The following CHD6 variants were observed in gnomAD, a reference collection of about 807,000 sequenced individuals.
The protein encoded by CHD6 is chromodomain helicase DNA binding protein 6.
Under a neutral mutation model 276.9 loss-of-function variants are expected in CHD6, and 50 were observed. The observed-to-expected ratio is 0.18, with a 90% confidence interval of 0.14 to 0.23. CHD6 has a LOEUF of 0.23. Ranked by LOEUF, CHD6 falls within the 10% of genes least tolerant of loss-of-function variation. The pLI is 1.00. For missense variants in CHD6, 2,564 were observed against 3,365.8 expected, an observed-to-expected ratio of 0.76 and a Z score of 5.89; for synonymous variants, 1,173 against 1,229.3, an observed-to-expected ratio of 0.95 and a Z score of 0.96.
intron 3 of CHD6, among the ~76,000 whole-genome samples, chr20:41,520,095 G>C (rs2044351800): frequency 6.6e-6 from 1 of 152,336 alleles, no homozygotes; most frequent in Admixed American, 6.5e-5. Context: ...GGCCATGAGA[G>C]AAACGCAAAT....
intron 2 of CHD6, among the ~76,000 whole-genome samples, chr20:41,543,814 C>A (rs563862740): frequency 6.6e-6 from 1 of 152,312 alleles, no homozygotes; most frequent in South Asian, 2.1e-4. Context: ...CTAAATATTA[C>A]GTAGTTCCTG....
chr20:41,613,787 A>G (rs1037162137), intron 1 of CHD6, among the ~76,000 whole-genome samples: 1 of 152,230 alleles, frequency 6.6e-6, no homozygotes, highest in Non-Finnish European at 1.5e-5. Flanking sequence ...TTTGAGAATC[A>G]TAAAAAACAA....
intron 1 of CHD6, among the ~76,000 whole-genome samples, chr20:41,610,295 C>T (rs926632647): frequency 3.3e-5 from 5 of 152,032 alleles, no homozygotes; most frequent in Non-Finnish European, 7.3e-5. Flanking sequence ...TCCCCATTTA[C>T]AAGTAGATGG....
At chr20:41,408,281 C>T (rs1455473733) in intron 36 of CHD6, among the ~76,000 whole-genome samples, 1 of 152,038 alleles carries the variant, frequency 6.6e-6, no homozygotes, top group Non-Finnish European at 1.5e-5. Context: ...GAACACAGGC[C>T]CTGTGGTTCC....
intron 36 of CHD6, among the ~76,000 whole-genome samples, chr20:41,406,091 T>C (rs1161650343): frequency 6.6e-6 from 1 of 152,182 alleles, no homozygotes; most frequent in Non-Finnish European, 1.5e-5. Flanking sequence ...ACCTGATCCA[T>C]AGGAAGCAGT....
At chr20:41,543,249 G>A (rs776120675) in intron 2 of CHD6, among the ~76,000 whole-genome samples, 1 of 152,298 alleles carries the variant, frequency 6.6e-6, no homozygotes, top group South Asian at 2.1e-4. Context: ...CAGAGTAGAA[G>A]CCTAGAGAGG....
chr20:41,490,848 C>T (rs1460641888), intron 11 of CHD6, among the ~76,000 whole-genome samples: 6 of 152,106 alleles, frequency 3.9e-5, no homozygotes, highest in South Asian at 2.1e-4. Context: ...AAATGGTATA[C>T]CTAGGTGATA....
chr20:41,425,073 C>T, intron 29 of CHD6, 105 bp downstream of exon 29: 1 of 841,538 alleles, frequency 1.2e-6, no homozygotes, highest in Non-Finnish European at 1.9e-6. Context: ...AACCTAACTT[C>T]ACATGAGAAC....
chr20:41,506,240 T>C (rs1296006192), intron 5 of CHD6, among the ~76,000 whole-genome samples: 1 of 152,206 alleles, frequency 6.6e-6, no homozygotes, highest in Non-Finnish European at 1.5e-5. Context: ...CTTTTTATTA[T>C]GCTCCGCTTA....
intron 1 of CHD6, among the ~76,000 whole-genome samples, chr20:41,585,754 C>A (rs74273568): frequency 6.6e-6 from 1 of 152,068 alleles, no homozygotes; most frequent in African/African-American, 2.4e-5. Flanking sequence ...TGACATCAAA[C>A]GCAGCAAATA....
intron 17 of CHD6, among the ~76,000 whole-genome samples, chr20:41,469,431 G>T (rs191388815): frequency 6.6e-6 from 1 of 152,310 alleles, no homozygotes; most frequent in Non-Finnish European, 1.5e-5. Context: ...TCTGAGGGGA[G>T]CATGATAGCA....
intron 1 of CHD6, among the ~76,000 whole-genome samples, chr20:41,598,975 T>C (rs1354170011): frequency 1.3e-5 from 2 of 152,184 alleles, no homozygotes; most frequent in Non-Finnish European, 2.9e-5. Context: ...GACCCTTACA[T>C]TTACATAGAT....
Position 41,445,885 on chromosome 20 carries a change from T to G in CHD6, c.3774-117A>C, listed in dbSNP as rs146697872. On this transcript the variant is annotated intron_variant, in intron 24 of 36. Transcript: ENST00000373233. Reference sequence around the variant, plus strand: ...CTAAAGTAACAATAAACAAAAGGGTTAGGAAGGCTGTGGGTCATTGTTTCT... The same window carrying G: ...CTAAAGTAACAATAAACAAAAGGGTGAGGAAGGCTGTGGGTCATTGTTTCT... 376 of 634,404 alleles carry G rather than the reference T, an allele frequency of 5.9e-4. No homozygotes were observed. In the African/African-American group the frequency reaches 6.0e-3, roughly 10 times the overall value. The allele number at this position is 634,404 out of a possible 1,614,324, so 39.3% of individuals were successfully genotyped here.
chr20:41,425,302 A>G lies in CHD6; in HGVS notation c.4222T>C (p.Cys1408Arg), dbSNP rs757815487. ...LRRLVTVYQR[C>R]NRKELCRPEI... ...GGCCGGCACAGTTCCTTGCGGTTGC[A>G]GCGCTGGTAAACAGTGACCAGACGT... The change falls in exon 29 of 37, where the codon TGC becomes CGC. Residue 1408 changes from cysteine (C) to arginine (R), a missense_variant. Cys to Arg is a radical substitution (Grantham distance 180, BLOSUM62 -3). Transcript: ENST00000373233. 1 of 1,614,218 alleles carries G rather than the reference A, an allele frequency of 6.2e-7. No individual in the cohort carries two copies. The highest frequency in any genetic ancestry group is 1.7e-5 in the Admixed American group (1 of 60,024).
At chr20:41,527,178 C>T (rs975311159) in intron 3 of CHD6, among the ~76,000 whole-genome samples, 1 of 152,218 alleles carries the variant, frequency 6.6e-6, no homozygotes, top group Non-Finnish European at 1.5e-5. Flanking sequence ...TGGCTCATGC[C>T]TGTAATCCCA....
rs1051124294 is a variant in CHD6, at chr20:41,556,000, G to C, written c.-23-4640C>G. Among the ~76,000 whole-genome samples the C allele has an allele frequency of 4.6e-4, 70 of 152,240 alleles. 1 individual carries two copies. Among genetic ancestry groups the C allele is most frequent in the Non-Finnish European group, 7.2e-4 (49 of 68,042 alleles). ...TGAGCCAGACTCCGTCTGCAATCCC[G>C]GCACCTCGGGAGGCCGAGGCTGGCG... On this transcript the variant is annotated intron_variant, in intron 1 of 36. Coordinates refer to ENST00000373233, the MANE Select transcript of CHD6 (RefSeq NM_032221.5).
At chr20:41,567,137 G>T (rs1044656653) in intron 1 of CHD6, among the ~76,000 whole-genome samples, 3 of 152,122 alleles carry the variant, frequency 2.0e-5, no homozygotes, top group African/African-American at 4.8e-5. Flanking sequence ...TTGTCCCCAA[G>T]ATAAGACTCT....
At chr20:41,599,630 AC>A (rs2045753902) in intron 1 of CHD6, among the ~76,000 whole-genome samples, 2 of 152,218 alleles carry the variant, frequency 1.3e-5, no homozygotes, top group Admixed American at 1.3e-4. Flanking sequence ...AAGATATGTT[AC>A]AAAAATTTGA....
Position 41,421,282 on chromosome 20 carries a change from A to T in CHD6, c.5353T>A (p.Ser1785Thr). The change falls in exon 31 of 37, where the codon TCA (serine) becomes ACA (threonine). Residue 1785 changes from serine (S) to threonine (T), a missense_variant. Ser to Thr is a moderately conservative substitution (Grantham distance 58). Around this residue, in one of 7 missense-constraint regions of CHD6, gnomAD observed 1,024 missense variants for 1,047.9 expected, o/e 0.98. Coordinates refer to ENST00000373233, the MANE Select transcript of CHD6 (RefSeq NM_032221.5). The stretch of plus-strand genomic sequence containing the variant: ...CTGCAGCAGAGCTCCCCTTCCTTTG[A>T]AATAGACATCAACAAATGTTTTCCA... ...KNGKHLLMSI[S>T]KEGELCCSEA... The T allele has an allele frequency of 6.2e-7, 1 of 1,614,092 alleles. No homozygotes were observed. The highest frequency in any genetic ancestry group is 1.1e-5 in the South Asian group (1 of 91,076).
Sources: allele counts gnomAD v4.1 joint callset (sites outside exome capture counted in the v4.1 genomes callset), GRCh38; gene constraint gnomAD v4.1.1; regional missense constraint gnomAD v4.1.1; transcripts MANE v1.5; gene names NCBI Gene and HGNC (gene_info 2026-07-23, HGNC 2026-07-21).